NOL4: variants seen among roughly 807,000 people sequenced by gnomAD.
NOL4 encodes nucleolar protein 4.
Under a neutral mutation model 75.9 loss-of-function variants are expected in NOL4, and 17 were observed. That is an observed-to-expected ratio of 0.22 (90% CI 0.15 to 0.34). The LOEUF (loss-of-function observed/expected upper bound fraction) is 0.34. Ranked by LOEUF, NOL4 falls within the 10% of genes least tolerant of loss-of-function variation. The pLI is 1.00. For synonymous variants in NOL4, 292 were observed against 289.9 expected, an observed-to-expected ratio of 1.01 and a Z score of -0.07; for missense variants, 614 against 793.5, an observed-to-expected ratio of 0.77 and a Z score of 2.72.
intron 9 of NOL4, among the ~76,000 whole-genome samples, chr18:33,889,876 T>G (rs1451048174): frequency 6.6e-6 from 1 of 152,084 alleles, no homozygotes; most frequent in African/African-American, 2.4e-5. Context: ...TAGGTATTGA[T>G]GGAACATATC....
At chr18:34,100,920 A>T (rs2079015963) in intron 4 of NOL4, among the ~76,000 whole-genome samples, 2 of 152,174 alleles carry the variant, frequency 1.3e-5, no homozygotes, top group African/African-American at 4.8e-5. Flanking sequence ...TTCTAGTATC[A>T]TTCCTCAAAT....
At chr18:34,062,979 G>A (rs756705225) in intron 5 of NOL4, among the ~76,000 whole-genome samples, 16 of 151,962 alleles carry the variant, frequency 1.1e-4, no homozygotes, top group Non-Finnish European at 1.9e-4. Context: ...ATAGAATTAC[G>A]GGAGAATTTA....
intron 8 of NOL4, among the ~76,000 whole-genome samples, chr18:33,945,709 G>A (rs1014090333): frequency 6.6e-6 from 1 of 151,662 alleles, no homozygotes; most frequent in South Asian, 2.1e-4. Context: ...ATCCTATTGA[G>A]TGGAAAAAAT....
At chr18:34,217,754 G>T (rs1007927908) in intron 1 of NOL4, among the ~76,000 whole-genome samples, 1 of 151,792 alleles carries the variant, frequency 6.6e-6, no homozygotes, top group African/African-American at 2.4e-5. Flanking sequence ...TTGTGTGTAT[G>T]TGTGTGTATA....
intron 1 of NOL4, among the ~76,000 whole-genome samples, chr18:34,203,014 G>C (rs958851664): frequency 1.3e-5 from 2 of 152,000 alleles, no homozygotes; most frequent in East Asian, 1.9e-4. Context: ...ATGTGTAACA[G>C]CCCAAAGCTG....
At chr18:33,895,110 G>A (rs1487820276) in intron 9 of NOL4, among the ~76,000 whole-genome samples, 1 of 152,030 alleles carries the variant, frequency 6.6e-6, no homozygotes, top group Non-Finnish European at 1.5e-5. Context: ...GGTACAATAT[G>A]TCAATCAAGA....
chr18:33,914,559 GA>G (rs1483428657), intron 9 of NOL4, among the ~76,000 whole-genome samples: 1 of 152,116 alleles, frequency 6.6e-6, no homozygotes, highest in East Asian at 1.9e-4. Flanking sequence ...AGAGCAAGAG[GA>G]AGAGGATGAC....
At chr18:33,943,870 G>A (rs1261860003) in intron 8 of NOL4, among the ~76,000 whole-genome samples, 1 of 151,792 alleles carries the variant, frequency 6.6e-6, no homozygotes, top group Non-Finnish European at 1.5e-5. Flanking sequence ...AGCCCACATA[G>A]AAAGAATTAA....
intron 5 of NOL4, among the ~76,000 whole-genome samples, chr18:34,039,869 T>G (rs780858503): frequency 1.3e-5 from 2 of 152,000 alleles, no homozygotes; most frequent in African/African-American, 2.4e-5. Flanking sequence ...CATACAACCA[T>G]TCTGTTTTTC....
rs2078980213 is a variant in NOL4 at position 34,100,141 on chromosome 18, G to T, written c.639+3906C>A. On this transcript the variant is annotated intron_variant, in intron 4 of 10. Transcript: ENST00000261592. ...CGCCTACCTCTATCTGATCCCTCCT[G>T]TCTGTGCTCCATTCTAAGGCCAACT... 2.0e-5 allele frequency among the ~76,000 whole-genome samples: 3 copies of T among 150,436 alleles called. No homozygotes were observed. In the Admixed American group the frequency reaches 2.0e-4, roughly 10 times the overall value.
intron 1 of NOL4, chr18:34,221,901 A>T: frequency 6.5e-6 from 5 of 768,826 alleles, no homozygotes; most frequent in Admixed American, 2.6e-5. Context: ...CTGCACCGGG[A>T]AACAGTTGCC....
At chr18:33,939,904 C>A (rs775672876) in intron 9 of NOL4, among the ~76,000 whole-genome samples, 1 of 151,778 alleles carries the variant, frequency 6.6e-6, no homozygotes, top group African/African-American at 2.4e-5. Flanking sequence ...TATGAACAGA[C>A]ACTTCTCAGA....
rs1356803604 is a variant in NOL4, at chr18:33,989,848, A to G, written c.1056+29470T>C. Among the ~76,000 whole-genome samples the G allele has an allele frequency of 5.3e-5, 8 of 152,126 alleles. No homozygotes were observed. The East Asian group carries it at 1.5e-3, about 29-fold the overall frequency. On this transcript the variant is annotated intron_variant, in intron 6 of 10. Transcript: ENST00000261592. ...AGCTGTGACATGATCATTATGCCCT[A>G]TATAGCACGTGCAATGTTCATTAAA...
intron 10 of NOL4, among the ~76,000 whole-genome samples, chr18:33,859,728 G>A (rs1275003817): frequency 6.6e-6 from 1 of 152,086 alleles, no homozygotes; most frequent in Non-Finnish European, 1.5e-5. Flanking sequence ...AGACCAGCCT[G>A]ACCAACATGG....
intron 9 of NOL4, among the ~76,000 whole-genome samples, chr18:33,939,641 T>G (rs931332200): frequency 2.6e-5 from 4 of 152,162 alleles, no homozygotes; most frequent in African/African-American, 9.6e-5. Flanking sequence ...GAGACTTTGC[T>G]GAAGTTGCTT....
At chr18:33,940,484 G>A (rs990477381) in intron 9 of NOL4, among the ~76,000 whole-genome samples, 26 of 152,002 alleles carry the variant, frequency 1.7e-4, no homozygotes, top group Admixed American at 7.2e-4. Context: ...TCACTCATAA[G>A]TGGGAGTTGA....
chr18:33,988,666 T>C (rs1243882606), intron 6 of NOL4, among the ~76,000 whole-genome samples: 1 of 151,932 alleles, frequency 6.6e-6, no homozygotes, highest in East Asian at 1.9e-4. Context: ...TAAAATTGAT[T>C]ACCTGGATGC....
At chr18:34,172,653 A>C (rs1013576333) in intron 1 of NOL4, among the ~76,000 whole-genome samples, 2 of 152,124 alleles carry the variant, frequency 1.3e-5, no homozygotes, top group Admixed American at 1.3e-4. Flanking sequence ...CAGTACACCA[A>C]GGTTCCCTTT....
intron 2 of NOL4, among the ~76,000 whole-genome samples, chr18:34,116,381 G>A (rs2079859196): frequency 6.6e-6 from 1 of 152,000 alleles, no homozygotes; most frequent in Non-Finnish European, 1.5e-5. Flanking sequence ...TCTGCTTTTC[G>A]GAAGAAAAAA....
Sources: allele counts gnomAD v4.1 joint callset (sites outside exome capture counted in the v4.1 genomes callset), GRCh38; gene constraint gnomAD v4.1.1; transcripts MANE v1.5; gene names NCBI Gene and HGNC (gene_info 2026-07-23, HGNC 2026-07-21).